The following EXOC4 variants were observed in gnomAD, a reference collection of about 807,000 sequenced individuals.
The protein encoded by EXOC4 is SEC8-like 1.
Under a neutral mutation model 107.2 loss-of-function variants are expected in EXOC4, and 71 were observed. The ratio of observed to expected loss-of-function variants is 0.66; its 90% confidence interval spans 0.55 to 0.81. EXOC4 has a LOEUF of 0.81. Ranked by LOEUF, EXOC4 falls within the 30% of genes least tolerant of loss-of-function variation. The pLI is 0.00. For missense variants in EXOC4, 1,108 were observed against 1,189.6 expected, an observed-to-expected ratio of 0.93 and a Z score of 1.01; for synonymous variants, 456 against 441.2, an observed-to-expected ratio of 1.03 and a Z score of -0.42.
intron 13 of EXOC4, among the ~76,000 whole-genome samples, chr7:133,931,823 C>G (rs1800182827): frequency 1.3e-5 from 2 of 152,212 alleles, no homozygotes; most frequent in Non-Finnish European, 2.9e-5. Flanking sequence ...TTCTTTTAGA[C>G]CAGGAGCCTG....
At chr7:133,485,593 C>G (rs559826809) in intron 9 of EXOC4, among the ~76,000 whole-genome samples, 17 of 152,252 alleles carry the variant, frequency 1.1e-4, no homozygotes, top group Non-Finnish European at 1.8e-4. Context: ...AAAATTTTCT[C>G]ATTGTACTTT....
chr7:133,950,574 G>C (rs1800666938), intron 14 of EXOC4, among the ~76,000 whole-genome samples: 2 of 152,204 alleles, frequency 1.3e-5, no homozygotes, highest in African/African-American at 4.8e-5. Flanking sequence ...GGGAAGTATA[G>C]AACTTCGTTC....
Position 133,669,062 on chromosome 7 carries a change from T to G in EXOC4, c.1514+38921T>G, listed in dbSNP as rs531789039. On this transcript the variant is annotated intron_variant, in intron 10 of 17. Transcript: ENST00000253861. ...ACTCTATTCTATTTACTTCCCTTTC[T>G]AGTTAGTAAGGCATGTTGGGTGAAC... 2.8e-4 allele frequency among the ~76,000 whole-genome samples: 40 copies of G among 143,070 alleles called. No homozygotes were observed. In the South Asian group the frequency reaches 8.5e-3, roughly 30 times the overall value. 93.9% of individuals were successfully genotyped at this position (143,070 alleles called of 152,430 possible). A position where few individuals can be genotyped will look rare whatever the true frequency, so the allele number is the denominator to read the frequency against.
chr7:134,044,885 A>G (rs1312084257), intron 17 of EXOC4, among the ~76,000 whole-genome samples: 1 of 152,088 alleles, frequency 6.6e-6, no homozygotes, highest in African/African-American at 2.4e-5. Flanking sequence ...GATTTGAACT[A>G]TTTTCTCACA....
At chr7:133,302,550 A>G (rs960538689) in intron 3 of EXOC4, among the ~76,000 whole-genome samples, 2 of 152,244 alleles carry the variant, frequency 1.3e-5, no homozygotes, top group African/African-American at 2.4e-5. Context: ...CTAGGAGGTC[A>G]TATTAGAGAT....
At chr7:133,668,706 T>A (rs994289070) in intron 10 of EXOC4, among the ~76,000 whole-genome samples, 5 of 152,214 alleles carry the variant, frequency 3.3e-5, no homozygotes, top group Non-Finnish European at 7.3e-5. Context: ...TAGGACATGG[T>A]CAACAGAGGG....
intron 4 of EXOC4, among the ~76,000 whole-genome samples, chr7:133,317,004 ATACAC>A (rs759239494): frequency 5.3e-5 from 8 of 152,226 alleles, no homozygotes; most frequent in Admixed American, 3.3e-4. Context: ...TTGATCCAGA[ATACAC>A]TACACTAATT....
chr7:133,694,137 C>T (rs549112905), intron 10 of EXOC4, among the ~76,000 whole-genome samples: 5 of 151,710 alleles, frequency 3.3e-5, no homozygotes, highest in African/African-American at 9.7e-5. Context: ...TGTGTGTGCC[C>T]GTAGTCCCAG....
chr7:133,731,541 TAA>T (rs1795326152), intron 10 of EXOC4, among the ~76,000 whole-genome samples: 1 of 151,860 alleles, frequency 6.6e-6, no homozygotes. Context: ...GAGAAAAAAA[TAA>T]AGAGATAAAT....
At chr7:133,418,936 A>G (rs1054333233) in intron 7 of EXOC4, among the ~76,000 whole-genome samples, 4 of 152,230 alleles carry the variant, frequency 2.6e-5, no homozygotes, top group South Asian at 2.1e-4. Flanking sequence ...TTATGGGAAT[A>G]TATTGTAAGG....
At chr7:133,561,978 A>G (rs928918307) in intron 9 of EXOC4, among the ~76,000 whole-genome samples, 1 of 152,106 alleles carries the variant, frequency 6.6e-6, no homozygotes, top group Non-Finnish European at 1.5e-5. Context: ...TTATTTCAGT[A>G]TTTAATATTA....
At chr7:133,865,225 C>A (rs185029093) in intron 11 of EXOC4, among the ~76,000 whole-genome samples, 37 of 151,916 alleles carry the variant, frequency 2.4e-4, no homozygotes, top group Admixed American at 2.0e-3. Context: ...TTAAAAAAAA[C>A]CACTGTGTAT....
intron 9 of EXOC4, among the ~76,000 whole-genome samples, chr7:133,521,943 G>A (rs9886183): frequency 0.081 from 12,346 of 151,558 alleles, 1,683 homozygotes; most frequent in African/African-American, 0.28. Flanking sequence ...TTTTATGTAT[G>A]TGTTTGTAAC....
At chr7:134,018,077 T>A (rs1794950607) in intron 17 of EXOC4, among the ~76,000 whole-genome samples, 1 of 152,218 alleles carries the variant, frequency 6.6e-6, no homozygotes, top group African/African-American at 2.4e-5. Context: ...TTATATATTC[T>A]GCAGTACCTT....
intron 10 of EXOC4, among the ~76,000 whole-genome samples, chr7:133,703,453 A>T (rs1037473355): frequency 6.6e-6 from 1 of 152,194 alleles, no homozygotes; most frequent in African/African-American, 2.4e-5. Flanking sequence ...TTTCTGCTGG[A>T]GGATGAGCAG....
At chr7:133,468,427 A>G (rs1451116075) in intron 7 of EXOC4, among the ~76,000 whole-genome samples, 2 of 152,070 alleles carry the variant, frequency 1.3e-5, no homozygotes, top group African/African-American at 2.4e-5. Context: ...TTTTTCTGTT[A>G]TTAACATTCT....
At chr7:133,466,229 A>G (rs922809866) in intron 7 of EXOC4, among the ~76,000 whole-genome samples, 6 of 152,170 alleles carry the variant, frequency 3.9e-5, no homozygotes, top group African/African-American at 1.2e-4. Flanking sequence ...AAAAATCAGG[A>G]TAACTGTAGG....
intron 12 of EXOC4, 50 bp downstream of exon 12, chr7:133,895,785 G>A (rs751805974): frequency 3.2e-6 from 5 of 1,575,238 alleles, no homozygotes; most frequent in East Asian, 4.5e-5. Context: ...GCCTGATGGT[G>A]GTTCCAATTG....
At chr7:133,798,790 C>CA (rs1057490492) in intron 10 of EXOC4, among the ~76,000 whole-genome samples, 3 of 151,770 alleles carry the variant, frequency 2.0e-5, no homozygotes, top group African/African-American at 7.3e-5. Context: ...ATGAGAAAGA[C>CA]AAAAAAAAAT....
Sources: gnomAD v4.1 joint callset for allele counts (sites outside exome capture counted in the v4.1 genomes callset) on GRCh38, gnomAD v4.1.1 for gene constraint, MANE v1.5 for transcripts, NCBI Gene and HGNC (gene_info 2026-07-23, HGNC 2026-07-21) for gene names.